The following CARMIL1 variants were observed in gnomAD, a reference collection of about 807,000 sequenced individuals.
The protein encoded by CARMIL1 is capping protein regulator and myosin 1 linker 1.
CARMIL1 carries 90 observed loss-of-function variants against 177.1 expected under a neutral mutation model. That is an observed-to-expected ratio of 0.51 (90% CI 0.43 to 0.61). The LOEUF (loss-of-function observed/expected upper bound fraction) is 0.61, where lower values mean the gene tolerates loss of function less well. Among genes scored for constraint, CARMIL1 ranks in the 20% least tolerant of loss-of-function variants. CARMIL1 has a pLI of 0.00. For synonymous variants in CARMIL1, 577 were observed against 606.2 expected, an observed-to-expected ratio of 0.95 and a Z score of 0.71; for missense variants, 1,380 against 1,667.0, an observed-to-expected ratio of 0.83 and a Z score of 3.00.
At chr6:25,290,721 C>G (rs2150142316) in intron 2 of CARMIL1, among the ~76,000 whole-genome samples, 1 of 152,168 alleles carries the variant, frequency 6.6e-6, no homozygotes, top group Admixed American at 6.5e-5. Flanking sequence ...TTTTGTTTAC[C>G]TATTCTCTTT....
intron 3 of CARMIL1, among the ~76,000 whole-genome samples, chr6:25,421,390 A>T (rs1323509874): frequency 6.6e-6 from 1 of 152,134 alleles, no homozygotes; most frequent in African/African-American, 2.4e-5. Context: ...GCTGGAGAGG[A>T]TGTGGAGAAA....
At chr6:25,425,560 A>G (rs1458023838) in intron 3 of CARMIL1, among the ~76,000 whole-genome samples, 2 of 152,054 alleles carry the variant, frequency 1.3e-5, no homozygotes, top group African/African-American at 4.8e-5. Flanking sequence ...AATTGATCCA[A>G]CTTGGTCCCC....
At chr6:25,598,819 C>T (rs1286357304) in intron 32 of CARMIL1, among the ~76,000 whole-genome samples, 1 of 152,118 alleles carries the variant, frequency 6.6e-6, no homozygotes, top group Non-Finnish European at 1.5e-5. Flanking sequence ...GTAGGGTGGT[C>T]TTCCTGGACC....
intron 31 of CARMIL1, among the ~76,000 whole-genome samples, chr6:25,590,806 C>A (rs1294153268): frequency 1.3e-5 from 2 of 151,988 alleles, no homozygotes; most frequent in Non-Finnish European, 2.9e-5. Flanking sequence ...ATACTGATAG[C>A]TTTAATCTCT....
chr6:25,452,007 A>AC, intron 8 of CARMIL1: 1 of 29,722 alleles, frequency 3.4e-5, no homozygotes, highest in South Asian at 3.6e-4. Flanking sequence ...CCCCCCCCAG[A>AC]ATACTGTTTT....
chr6:25,331,598 TGG>T (rs1008123455), intron 2 of CARMIL1, among the ~76,000 whole-genome samples: 46 of 152,306 alleles, frequency 3.0e-4, no homozygotes, highest in African/African-American at 1.1e-3. Flanking sequence ...AGCTAATCCA[TGG>T]GAGTGGGAAG....
At chr6:25,322,665 C>T (rs1465913610) in intron 2 of CARMIL1, among the ~76,000 whole-genome samples, 3 of 152,310 alleles carry the variant, frequency 2.0e-5, no homozygotes, top group Admixed American at 2.0e-4. Context: ...CATTCTTCAG[C>T]CCAACTAGGA....
intron 11 of CARMIL1, among the ~76,000 whole-genome samples, chr6:25,478,566 G>T (rs1445549065): frequency 6.6e-6 from 1 of 152,192 alleles, no homozygotes; most frequent in Non-Finnish European, 1.5e-5. Context: ...GGAGGCCGAG[G>T]CGGGCAGATC....
intron 4 of CARMIL1, among the ~76,000 whole-genome samples, chr6:25,429,382 T>G (rs1796542362): frequency 6.6e-6 from 1 of 150,420 alleles, no homozygotes; most frequent in Admixed American, 6.9e-5. Context: ...ATCCTATGTC[T>G]CTGACCCAGG....
chr6:25,524,645 G>A (rs1023360492), intron 23 of CARMIL1, among the ~76,000 whole-genome samples: 3 of 152,148 alleles, frequency 2.0e-5, no homozygotes, highest in Non-Finnish European at 4.4e-5. Flanking sequence ...GCATCAGAAC[G>A]AGACTTATCT....
chr6:25,309,762 A>G (rs1282639702), intron 2 of CARMIL1, among the ~76,000 whole-genome samples: 1 of 131,570 alleles, frequency 7.6e-6, no homozygotes, highest in Non-Finnish European at 1.5e-5. Context: ...TGAATATACC[A>G]CATCTTTTTT....
intron 24 of CARMIL1, among the ~76,000 whole-genome samples, chr6:25,535,369 T>G (rs1400290597): frequency 1.3e-5 from 2 of 152,154 alleles, no homozygotes; most frequent in Non-Finnish European, 2.9e-5. Flanking sequence ...TTTAAATATG[T>G]GCAGGACTGT....
At chr6:25,613,966 T>C (rs1252386889) in intron 36 of CARMIL1, among the ~76,000 whole-genome samples, 1 of 152,220 alleles carries the variant, frequency 6.6e-6, no homozygotes, top group Non-Finnish European at 1.5e-5. Context: ...TAGGGATACC[T>C]TCTCTTTATT....
intron 8 of CARMIL1, among the ~76,000 whole-genome samples, chr6:25,459,210 T>TTTCTTTCTTTC (rs1799794292): frequency 6.2e-5 from 5 of 80,178 alleles, no homozygotes; most frequent in South Asian, 5.4e-4. Flanking sequence ...GATCCCAACT[T>TTTCTTTCTTTC]TTTCTTTCTT....
At chr6:25,381,208 T>C (rs558457640) in intron 2 of CARMIL1, among the ~76,000 whole-genome samples, 2 of 152,318 alleles carry the variant, frequency 1.3e-5, no homozygotes, top group East Asian at 3.9e-4. Flanking sequence ...GAAGGTTATC[T>C]CTTAATAGTA....
chr6:25,285,419 A>G (rs1340644281), intron 2 of CARMIL1, among the ~76,000 whole-genome samples: 2 of 152,196 alleles, frequency 1.3e-5, no homozygotes, highest in South Asian at 2.1e-4. Flanking sequence ...CTCCTGCTGA[A>G]GGCAGTATCT....
chr6:25,415,500 A>G (rs1795282332), intron 2 of CARMIL1, among the ~76,000 whole-genome samples: 1 of 136,008 alleles, frequency 7.4e-6, no homozygotes, highest in Non-Finnish European at 1.5e-5. Context: ...TGGTAGTGGG[A>G]GCGTTATTCC....
intron 3 of CARMIL1, among the ~76,000 whole-genome samples, chr6:25,421,952 A>G (rs2150702067): frequency 6.6e-6 from 1 of 151,650 alleles, no homozygotes; most frequent in Middle Eastern, 3.4e-3. Flanking sequence ...GCACACCAAC[A>G]TGGCACATGT....
At chr6:25,427,629 C>G (rs1381666338) in intron 4 of CARMIL1, among the ~76,000 whole-genome samples, 1 of 152,132 alleles carries the variant, frequency 6.6e-6, no homozygotes, top group Non-Finnish European at 1.5e-5. Context: ...TTTTGAGAAA[C>G]CGTCACACTT....
Sources: allele counts gnomAD v4.1 joint callset (sites outside exome capture counted in the v4.1 genomes callset), GRCh38; gene constraint gnomAD v4.1.1; transcripts MANE v1.5; gene names NCBI Gene and HGNC (gene_info 2026-07-23, HGNC 2026-07-21).